RBFOX1: variants seen among roughly 807,000 people sequenced by gnomAD.
The protein encoded by RBFOX1 is RNA binding fox-1 homolog 1, also known as RNA binding protein fox-1 homolog 1.
RBFOX1 carries 8 observed loss-of-function variants against 57.7 expected under a neutral mutation model. The ratio of observed to expected loss-of-function variants is 0.14; its 90% CI spans 0.08 to 0.25. The LOEUF is 0.25. Ranked by LOEUF, RBFOX1 falls within the 10% of genes least tolerant of loss-of-function variation. The probability of loss-of-function intolerance (pLI) is 1.00; values close to 1 mark genes in which losing one functional copy is unlikely to be tolerated. For missense variants in RBFOX1, 611 were observed against 548.5 expected, an observed-to-expected ratio of 1.11 and a Z score of -1.14; for synonymous variants, 326 against 222.4, an observed-to-expected ratio of 1.47 and a Z score of -4.15.
chr16:7,286,396 T>C (rs886544797), intron 4 of RBFOX1, among the ~76,000 whole-genome samples: 2 of 151,706 alleles, frequency 1.3e-5, no homozygotes, highest in Non-Finnish European at 2.9e-5. Flanking sequence ...CTTGTGAAAA[T>C]GCTCAAAAGT....
chr16:6,522,483 T>C (rs1303420484), intron 2 of RBFOX1, among the ~76,000 whole-genome samples: 2 of 152,160 alleles, frequency 1.3e-5, no homozygotes, highest in Non-Finnish European at 2.9e-5. Flanking sequence ...TCAATGAAAT[T>C]AGACAGTTAA....
chr16:7,280,332 C>T (rs1370654480), intron 4 of RBFOX1, among the ~76,000 whole-genome samples: 1 of 152,206 alleles, frequency 6.6e-6, no homozygotes, highest in Non-Finnish European at 1.5e-5. Context: ...TCTTCTCCCT[C>T]CATAGACCCT....
intron 3 of RBFOX1, among the ~76,000 whole-genome samples, chr16:5,746,397 G>A (rs532494642): frequency 2.4e-4 from 36 of 152,270 alleles, no homozygotes; most frequent in Middle Eastern, 6.8e-3. Flanking sequence ...TGTTCTTTTG[G>A]TTTAGGATTG....
At chr16:7,335,616 G>A (rs929108739) in intron 4 of RBFOX1, among the ~76,000 whole-genome samples, 1 of 143,734 alleles carries the variant, frequency 7.0e-6, no homozygotes, top group Non-Finnish European at 1.5e-5. Context: ...AAAACCAAGT[G>A]ATTTACCAGT....
At chr16:7,329,407 A>G (rs1230285827) in intron 4 of RBFOX1, among the ~76,000 whole-genome samples, 6 of 152,198 alleles carry the variant, frequency 3.9e-5, no homozygotes, top group Non-Finnish European at 5.9e-5. Flanking sequence ...AACCATGTGC[A>G]CTGCCACTGG....
At chr16:5,907,171 C>T (rs533363505) in intron 4 of RBFOX1, among the ~76,000 whole-genome samples, 2 of 152,228 alleles carry the variant, frequency 1.3e-5, no homozygotes, top group African/African-American at 4.8e-5. Context: ...GATTGTTGAC[C>T]TGCTGTGGCT....
chr16:7,204,622 G>A (rs1013083404), intron 4 of RBFOX1, among the ~76,000 whole-genome samples: 5 of 152,088 alleles, frequency 3.3e-5, no homozygotes, highest in Non-Finnish European at 7.4e-5. Flanking sequence ...CTTCAGCCTG[G>A]GCAACAGAAC....
intron 1 of RBFOX1, among the ~76,000 whole-genome samples, chr16:6,120,772 G>A (rs1453511465): frequency 6.6e-6 from 1 of 152,144 alleles, no homozygotes; most frequent in Non-Finnish European, 1.5e-5. Flanking sequence ...CTGTCCCTGC[G>A]TTTCTCCTCT....
At chr16:6,400,787 C>T (rs2093037927) in intron 2 of RBFOX1, among the ~76,000 whole-genome samples, 1 of 152,058 alleles carries the variant, frequency 6.6e-6, no homozygotes, top group Non-Finnish European at 1.5e-5. Flanking sequence ...CCCAGCTACT[C>T]AGGAGGCTGA....
intron 2 of RBFOX1, among the ~76,000 whole-genome samples, chr16:6,513,681 C>T (rs1040084596): frequency 9.9e-5 from 15 of 152,080 alleles, no homozygotes; most frequent in Admixed American, 6.5e-5. Flanking sequence ...TTGTAGTGAG[C>T]CGAAATCGCA....
intron 3 of RBFOX1, among the ~76,000 whole-genome samples, chr16:6,713,407 G>T (rs891705584): frequency 5.3e-5 from 8 of 152,042 alleles, no homozygotes; most frequent in African/African-American, 1.9e-4. Context: ...CTAATCTCCA[G>T]TCTAAGATTT....
intron 4 of RBFOX1, among the ~76,000 whole-genome samples, chr16:7,142,963 C>G (rs2074161498): frequency 6.7e-6 from 1 of 148,250 alleles, no homozygotes. Flanking sequence ...TAGCTGGTTT[C>G]TGACCCTTGA....
chr16:5,693,766 C>A (rs180814770), intron 3 of RBFOX1, among the ~76,000 whole-genome samples: 2 of 152,154 alleles, frequency 1.3e-5, no homozygotes, highest in African/African-American at 4.8e-5. Context: ...ATTCTTTTTG[C>A]GTGGAATTCC....
chr16:5,440,979 G>A (rs147228993), intron 1 of RBFOX1, among the ~76,000 whole-genome samples: 9 of 152,172 alleles, frequency 5.9e-5, no homozygotes, highest in East Asian at 1.9e-4. Flanking sequence ...AAACTCCTAC[G>A]TACCCTTATG....
chr16:7,408,994 C>T (rs1045158845), intron 4 of RBFOX1, among the ~76,000 whole-genome samples: 11 of 152,200 alleles, frequency 7.2e-5, no homozygotes, highest in African/African-American at 1.7e-4. Context: ...CCCCGCCCGT[C>T]AATTCTTCCC....
intron 1 of RBFOX1, among the ~76,000 whole-genome samples, chr16:5,255,322 T>TTCCATCCATCCATCCATCCA (rs3041858): frequency 4.1e-4 from 49 of 119,462 alleles, no homozygotes; most frequent in Middle Eastern, 4.3e-3. Context: ...CCACACTTCC[T>TTCCATCCATCCATCCATCCA]TCCATCCATC....
intron 14 of RBFOX1, among the ~76,000 whole-genome samples, chr16:7,682,556 TTTTA>T (rs1006190003): frequency 5.9e-5 from 9 of 151,856 alleles, no homozygotes; most frequent in Non-Finnish European, 1.2e-4. Flanking sequence ...TTTTTTTTTT[TTTTA>T]ATCTTTTATT....
chr16:7,386,790 G>C (rs182455460), intron 4 of RBFOX1, among the ~76,000 whole-genome samples: 3 of 152,060 alleles, frequency 2.0e-5, no homozygotes, highest in African/African-American at 7.2e-5. Flanking sequence ...CTATATCCTT[G>C]AGGAATCGCC....
intron 3 of RBFOX1, among the ~76,000 whole-genome samples, chr16:6,858,075 T>C (rs1224661447): frequency 5.3e-5 from 8 of 152,340 alleles, no homozygotes; most frequent in Non-Finnish European, 7.4e-5. Flanking sequence ...TTAAAGTTTT[T>C]CATTGATGTT....
Sources: allele counts gnomAD v4.1 joint callset (sites outside exome capture counted in the v4.1 genomes callset), GRCh38; gene constraint gnomAD v4.1.1; transcripts MANE v1.5; gene names NCBI Gene and HGNC (gene_info 2026-07-23, HGNC 2026-07-21).